The following MAU2 variants were observed in gnomAD, a reference collection of about 807,000 sequenced individuals.
MAU2 encodes the protein MAU2 chromatid cohesion factor homolog.
In MAU2, 9 loss-of-function variants were observed where a neutral mutation model predicts 89.1. The observed-to-expected ratio is 0.10, with a 90% CI of 0.06 to 0.18. The LOEUF (loss-of-function observed/expected upper bound fraction) is 0.18, where lower values mean the gene tolerates loss of function less well. Ranked by LOEUF, MAU2 falls within the 10% of genes least tolerant of loss-of-function variation. The pLI, the probability that MAU2 is intolerant of heterozygous loss-of-function variation, is 1.00. For synonymous variants in MAU2, 357 were observed against 343.4 expected, an observed-to-expected ratio of 1.04 and a Z score of -0.44; for missense variants, 425 against 803.5, an observed-to-expected ratio of 0.53 and a Z score of 5.69.
At chr19:19,334,852 G>T (rs1344966574) in intron 1 of MAU2, among the ~76,000 whole-genome samples, 1 of 152,218 alleles carries the variant, frequency 6.6e-6, no homozygotes, top group East Asian at 1.9e-4. Context: ...GCCCCATGCA[G>T]TCCTCCCACA....
chr19:19,322,361 G>A (rs1456889015), intron 1 of MAU2, among the ~76,000 whole-genome samples: 1 of 152,192 alleles, frequency 6.6e-6, no homozygotes, highest in Non-Finnish European at 1.5e-5. Context: ...TATTTTGGGA[G>A]GCGGAGGCAG....
At chr19:19,322,129 C>T (rs2061464482) in intron 1 of MAU2, among the ~76,000 whole-genome samples, 1 of 151,916 alleles carries the variant, frequency 6.6e-6, no homozygotes, top group Admixed American at 6.6e-5. Flanking sequence ...TCCTGAGTAG[C>T]TGAGACTACA....
rs140913237 is a variant in MAU2, at chr19:19,344,844, G to A, written c.1078-5G>A. On this transcript the variant is annotated splice_region_variant and splice_polypyrimidine_tract_variant and intron_variant, in intron 10 of 18. Coordinates refer to ENST00000262815, the MANE Select transcript of MAU2 (RefSeq NM_015329.4). ...CTGTGATGGCAGTACACTCTCTCCC[G>A]GCAGATCTCCCAGGTCTGCCAGCTG... 4 of 1,613,092 alleles carry A rather than the reference G, an allele frequency of 2.5e-6. No homozygotes were observed. Among genetic ancestry groups the A allele is most frequent in the Admixed American group, 3.3e-5 (2 of 59,994 alleles).
At chr19:19,333,046 C>T (rs1294896902) in intron 1 of MAU2, among the ~76,000 whole-genome samples, 1 of 151,498 alleles carries the variant, frequency 6.6e-6, no homozygotes, top group Non-Finnish European at 1.5e-5. Context: ...CATTGCACTC[C>T]AGCCTGGGCA....
intron 5 of MAU2, among the ~76,000 whole-genome samples, chr19:19,340,555 C>T (rs920081494): frequency 1.3e-4 from 19 of 151,968 alleles, no homozygotes; most frequent in African/African-American, 3.1e-4. Context: ...AGGAGAATGG[C>T]GTGAACCTGG....
At chr19:19,334,339 G>A in intron 1 of MAU2, 1 of 985,682 alleles carries the variant, frequency 1.0e-6, no homozygotes, top group Non-Finnish European at 1.2e-6. Context: ...CCTGCGTGTG[G>A]GTGCATGTGT....
At chr19:19,330,014 C>G (rs562550251) in intron 1 of MAU2, among the ~76,000 whole-genome samples, 1 of 151,408 alleles carries the variant, frequency 6.6e-6, no homozygotes, top group African/African-American at 2.4e-5. Flanking sequence ...AAGTCTCACT[C>G]TGTCACCCAG....
At chr19:19,353,868 T>G in intron 16 of MAU2, 2 of 172,996 alleles carry the variant, frequency 1.2e-5, no homozygotes, top group Non-Finnish European at 2.5e-5. Flanking sequence ...AAGCAGGGAG[T>G]CCGGATTGGA....
At chr19:19,333,304 G>A (rs560298203) in intron 1 of MAU2, among the ~76,000 whole-genome samples, 15 of 152,188 alleles carry the variant, frequency 9.9e-5, no homozygotes, top group Non-Finnish European at 1.9e-4. Context: ...GGGCGGCGTA[G>A]CCAGACCCCA....
In MAU2 at chr19:19,349,447, T is replaced by G. The variant is rs377201804; in HGVS notation, c.1548+11T>G. On this transcript the variant is annotated intron_variant, in intron 16 of 18. Transcript: ENST00000262815. ...CTGGGAAACCACAGGGTGAGTGCCCTGGCCTGGGCCCCTCGCTTGGGTGCC... is the reference window on the plus strand; with the variant it reads ...CTGGGAAACCACAGGGTGAGTGCCCGGGCCTGGGCCCCTCGCTTGGGTGCC... The G allele has an allele frequency of 1.2e-6, 2 of 1,610,868 alleles. No individual in the cohort carries two copies. The highest frequency in any genetic ancestry group is 1.7e-6 in the Non-Finnish European group (2 of 1,177,778).
At chr19:19,339,031 A>G in intron 5 of MAU2, 92 bp downstream of exon 5, 1 of 1,003,620 alleles carries the variant, frequency 1.0e-6, no homozygotes, top group Middle Eastern at 2.6e-4. Context: ...ATGGCATTTC[A>G]GGTGAAGTAC....
chr19:19,344,018 C>G, intron 10 of MAU2, 78 bp downstream of exon 10: 1 of 1,259,122 alleles, frequency 7.9e-7, no homozygotes, highest in Non-Finnish European at 1.1e-6. Context: ...AGACTGAATT[C>G]GCCAAGTGCA....
chr19:19,336,166 G>C lies in MAU2; in HGVS notation c.339G>C (p.Leu113Phe). 6.2e-7 allele frequency: 1 copy of C among 1,613,272 alleles called. No homozygotes were observed. Among genetic ancestry groups the C allele is most frequent in the South Asian group, 1.1e-5 (1 of 91,064 alleles). The change falls in exon 3 of 19, where the codon TTG becomes TTC. Residue 113 changes from leucine to phenylalanine, a missense_variant. Around this residue, in one of 11 missense-constraint regions of MAU2, gnomAD observed 119 missense variants for 299.8 expected, o/e 0.40. Coordinates refer to ENST00000262815, the MANE Select transcript of MAU2 (RefSeq NM_015329.4). ...EDVKFEAASL[L>F]SELYCQENSV... ...TTAAATTTGAAGCAGCAAGTCTGTT[G>C]TCTGAATTGTACTGTCAAGAGGTAA...
intron 5 of MAU2, among the ~76,000 whole-genome samples, chr19:19,340,411 G>C (rs1407204890): frequency 6.6e-6 from 1 of 151,790 alleles, no homozygotes; most frequent in African/African-American, 2.4e-5. Context: ...AGGCCGAGGC[G>C]GGTGGATCAC....
chr19:19,323,030 A>G (rs1420903655), intron 1 of MAU2, among the ~76,000 whole-genome samples: 2 of 151,952 alleles, frequency 1.3e-5, no homozygotes, highest in African/African-American at 4.8e-5. Context: ...AGCTGGGACT[A>G]CAGGTGTGCG....
intron 1 of MAU2, chr19:19,334,149 C>CA: frequency 8.1e-6 from 8 of 984,972 alleles, no homozygotes; most frequent in Non-Finnish European, 9.6e-6. Flanking sequence ...TTGCATCACA[C>CA]ACGTTGCCAC....
At chr19:19,348,419 G>T (rs1329861130) in intron 13 of MAU2, 2 of 229,366 alleles carry the variant, frequency 8.7e-6, no homozygotes, top group Non-Finnish European at 1.8e-5. Flanking sequence ...ACGTGGGCTC[G>T]CAGTGTTGAG....
intron 5 of MAU2, among the ~76,000 whole-genome samples, chr19:19,340,178 A>T (rs1281937843): frequency 1.3e-5 from 2 of 150,098 alleles, no homozygotes; most frequent in African/African-American, 4.9e-5. Flanking sequence ...AAAAAAAAAA[A>T]AAAAATTAAC....
At chr19:19,329,956 ATTATTTATTTAT>A (rs139674702) in intron 1 of MAU2, among the ~76,000 whole-genome samples, 16 of 151,132 alleles carry the variant, frequency 1.1e-4, no homozygotes, top group East Asian at 9.7e-4. Context: ...TGTCTTTTTA[ATTATTTATTTAT>A]TTATTTATTT....
Sources: allele counts gnomAD v4.1 joint callset (sites outside exome capture counted in the v4.1 genomes callset), GRCh38; gene constraint gnomAD v4.1.1; regional missense constraint gnomAD v4.1.1; transcripts MANE v1.5; gene names NCBI Gene and HGNC (gene_info 2026-07-23, HGNC 2026-07-21).